PTP4A1: variants seen among roughly 807,000 people sequenced by gnomAD.
PTP4A1 encodes protein tyrosine phosphatase type IVA 1.
A neutral mutation model predicts 20.5 loss-of-function variants in PTP4A1; 9 were observed. That is an observed-to-expected ratio of 0.44 (90% CI 0.26 to 0.77). PTP4A1 has a LOEUF of 0.77. Among genes scored for constraint, PTP4A1 ranks in the 30% least tolerant of loss-of-function variants. The pLI, the probability that PTP4A1 is intolerant of heterozygous loss-of-function variation, is 0.19. For missense variants in PTP4A1, 137 were observed against 218.8 expected, an observed-to-expected ratio of 0.63 and a Z score of 2.36; for synonymous variants, 78 against 67.4, an observed-to-expected ratio of 1.16 and a Z score of -0.77.
chr6:63,550,033 T>C (rs919722605), intron 2 of PTP4A1, among the ~76,000 whole-genome samples: 1 of 152,240 alleles, frequency 6.6e-6, no homozygotes, highest in Admixed American at 6.5e-5. Flanking sequence ...AATTAATCAC[T>C]ATATGTTATA....
intron 3 of PTP4A1, among the ~76,000 whole-genome samples, chr6:63,567,292 C>A (rs913056624): frequency 6.6e-6 from 1 of 152,158 alleles, no homozygotes; most frequent in African/African-American, 2.4e-5. Flanking sequence ...CAATTTATAA[C>A]CTTATGAAAT....
chr6:63,537,911 G>A (rs1775792189), intron 2 of PTP4A1, among the ~76,000 whole-genome samples: 1 of 152,178 alleles, frequency 6.6e-6, no homozygotes, highest in Non-Finnish European at 1.5e-5. Flanking sequence ...ATGGAATACA[G>A]GCAGGCCCAG....
chr6:63,556,641 A>G (rs1490019997), intron 3 of PTP4A1, among the ~76,000 whole-genome samples: 1 of 152,234 alleles, frequency 6.6e-6, no homozygotes. Context: ...GGCTTTGCCA[A>G]AAAGATCAGC....
At chr6:63,522,169 AT>A (rs1373669655) in intron 1 of PTP4A1, among the ~76,000 whole-genome samples, 1 of 152,092 alleles carries the variant, frequency 6.6e-6, no homozygotes, top group Non-Finnish European at 1.5e-5. Flanking sequence ...CTCTATATTT[AT>A]GTTTTCTGAT....
intron 2 of PTP4A1, among the ~76,000 whole-genome samples, chr6:63,535,700 T>G (rs1005227973): frequency 1.3e-5 from 2 of 152,180 alleles, no homozygotes; most frequent in African/African-American, 4.8e-5. Context: ...TTTGATGAGT[T>G]AGTCACAAGG....
chr6:63,548,612 A>T, intron 2 of PTP4A1: 1 of 338,524 alleles, frequency 3.0e-6, no homozygotes, highest in Non-Finnish European at 5.6e-6. Context: ...GAAAAGGTTT[A>T]TTGAGTTAAT....
intron 1 of PTP4A1, among the ~76,000 whole-genome samples, chr6:63,524,649 C>T (rs1345451239): frequency 6.6e-6 from 1 of 152,124 alleles, no homozygotes. Context: ...CTGAATGACT[C>T]TGAGCTTCCT....
chr6:63,579,640 C>T (rs974301215), intron 5 of PTP4A1, among the ~76,000 whole-genome samples: 3 of 152,156 alleles, frequency 2.0e-5, no homozygotes, highest in Non-Finnish European at 4.4e-5. Flanking sequence ...ATGCACAGGT[C>T]TCCAAAGGAG....
intron 2 of PTP4A1, chr6:63,549,389 T>C: frequency 1.3e-6 from 1 of 754,266 alleles, no homozygotes; most frequent in South Asian, 1.4e-5. Context: ...TCCTGTCCAA[T>C]GTCAAAATTC....
At chr6:63,566,097 C>A (rs2149499530) in intron 3 of PTP4A1, among the ~76,000 whole-genome samples, 1 of 152,316 alleles carries the variant, frequency 6.6e-6, no homozygotes, top group East Asian at 1.9e-4. Flanking sequence ...AATGTACATA[C>A]CTGTTTTGTC....
At chr6:63,545,698 G>A (rs566806411) in intron 2 of PTP4A1, among the ~76,000 whole-genome samples, 9 of 151,840 alleles carry the variant, frequency 5.9e-5, no homozygotes, top group African/African-American at 2.2e-4. Context: ...TTCTCAATAA[G>A]GCCTGTTTCC....
chr6:63,555,266 C>A (rs1200377889), intron 3 of PTP4A1, among the ~76,000 whole-genome samples: 1 of 152,162 alleles, frequency 6.6e-6, no homozygotes, highest in Non-Finnish European at 1.5e-5. Context: ...ACATTTCCAA[C>A]ATTAGAGGAT....
chr6:63,542,494 A>C (rs1252162775), intron 2 of PTP4A1, among the ~76,000 whole-genome samples: 1 of 152,116 alleles, frequency 6.6e-6, no homozygotes, highest in African/African-American at 2.4e-5. Context: ...TGCCTTTCCA[A>C]GTCACAGCAA....
At chr6:63,554,387 C>T (rs1017360149) in intron 3 of PTP4A1, among the ~76,000 whole-genome samples, 1 of 152,162 alleles carries the variant, frequency 6.6e-6, no homozygotes, top group Non-Finnish European at 1.5e-5. Context: ...AGACTGTAGT[C>T]CCAAATCCTT....
At chr6:63,528,397 A>G (rs749391807) in intron 2 of PTP4A1, among the ~76,000 whole-genome samples, 5 of 150,840 alleles carry the variant, frequency 3.3e-5, no homozygotes, top group Non-Finnish European at 5.9e-5. Context: ...GCAATTAGAA[A>G]TCAGCCTGGG....
chr6:63,536,773 G>T (rs1281398326), intron 2 of PTP4A1, among the ~76,000 whole-genome samples: 2 of 152,004 alleles, frequency 1.3e-5, no homozygotes, highest in Non-Finnish European at 2.9e-5. Flanking sequence ...ATTAGAAAAG[G>T]TTTTATTATA....
chr6:63,519,175 T>C (rs1467357337), upstream of PTP4A1, among the ~76,000 whole-genome samples: 5 of 151,962 alleles, frequency 3.3e-5, no homozygotes, highest in African/African-American at 1.2e-4. Flanking sequence ...GGCATGATGG[T>C]GGGTGCCTGT....
chr6:63,524,491 T>C (rs977325000), intron 1 of PTP4A1, among the ~76,000 whole-genome samples: 1 of 152,192 alleles, frequency 6.6e-6, no homozygotes, highest in African/African-American at 2.4e-5. Context: ...AGGTAGTATA[T>C]GTAAAAGCAT....
At chr6:63,548,799 C>T (rs893814515) in intron 2 of PTP4A1, 1 of 731,478 alleles carries the variant, frequency 1.4e-6, no homozygotes, top group Non-Finnish European at 2.5e-6. Context: ...ATTGCCTCCC[C>T]AGTGACGGCG....
Sources: gnomAD v4.1 joint callset for allele counts (sites outside exome capture counted in the v4.1 genomes callset) on GRCh38, gnomAD v4.1.1 for gene constraint, MANE v1.5 for transcripts, NCBI Gene and HGNC (gene_info 2026-07-23, HGNC 2026-07-21) for gene names.